TENM3: variants seen among roughly 807,000 people sequenced by gnomAD.
TENM3 encodes teneurin transmembrane protein 3.
A neutral mutation model predicts 255.1 loss-of-function variants in TENM3; 63 were observed. The observed-to-expected ratio is 0.25, with a 90% CI of 0.20 to 0.30. The LOEUF is 0.30. Ranked by LOEUF, TENM3 falls within the 10% of genes least tolerant of loss-of-function variation. The pLI is 1.00. For synonymous variants in TENM3, 1,306 were observed against 1,322.3 expected (o/e 0.99, Z 0.27); for missense variants, 2,929 against 3,461.1 (o/e 0.85, Z 3.86).
chr4:182,684,664 T>C (rs1484009567), intron 11 of TENM3, among the ~76,000 whole-genome samples: 2 of 152,092 alleles, frequency 1.3e-5, no homozygotes, highest in Non-Finnish European at 2.9e-5. Flanking sequence ...ATAGACGTAG[T>C]AGAGGGTGGT....
intron 14 of TENM3, among the ~76,000 whole-genome samples, chr4:182,729,958 G>A (rs975791588): frequency 4.6e-5 from 7 of 152,022 alleles, no homozygotes; most frequent in South Asian, 2.1e-4. Context: ...TCTTGATAAC[G>A]CTCCAAAAAA....
At chr4:181,597,024 G>A in the TENM3 span, among the ~76,000 whole-genome samples, 147 of 152,068 alleles carry the variant, frequency 9.7e-4, 1 homozygote, top group East Asian at 0.019. Context: ...CATGATACAA[G>A]TTAATCTATG....
intron 3 of TENM3, among the ~76,000 whole-genome samples, chr4:182,525,009 G>A (rs781733862): frequency 2.0e-5 from 3 of 152,064 alleles, no homozygotes; most frequent in Non-Finnish European, 2.9e-5. Flanking sequence ...CAGCCTTGGC[G>A]ACAGAGTGAG....
intron 1 of TENM3, among the ~76,000 whole-genome samples, chr4:182,267,465 C>A (rs1251887496): frequency 6.6e-6 from 1 of 152,128 alleles, no homozygotes; most frequent in African/African-American, 2.4e-5. Flanking sequence ...AGAGCTGATA[C>A]AAGCCCCATA....
the TENM3 span, among the ~76,000 whole-genome samples, chr4:181,567,081 A>G: frequency 0.01 from 1,584 of 152,276 alleles, 9 homozygotes; most frequent in South Asian, 0.046. Flanking sequence ...ATTCGTGCAA[A>G]TGATCCCGCT....
At chr4:182,661,748 T>C (rs1581243848) in intron 6 of TENM3, among the ~76,000 whole-genome samples, 1 of 152,176 alleles carries the variant, frequency 6.6e-6, no homozygotes, top group African/African-American at 2.4e-5. Flanking sequence ...TGTCTACAAA[T>C]GCCCAACCTT....
the TENM3 span, among the ~76,000 whole-genome samples, chr4:181,774,016 T>TTG: frequency 7.1e-6 from 1 of 141,678 alleles, no homozygotes; most frequent in Non-Finnish European, 1.5e-5. Context: ...TTTTTTTTTT[T>TTG]TTTTTTTTTT....
At chr4:181,664,476 T>TAAAAAAAAAA in the TENM3 span, among the ~76,000 whole-genome samples, 1 of 140,658 alleles carries the variant, frequency 7.1e-6, no homozygotes, top group Admixed American at 7.1e-5. Flanking sequence ...GTCTAAAAAA[T>TAAAAAAAAAA]AAAAAAAAAC....
At chr4:182,028,586 T>A in the TENM3 span, among the ~76,000 whole-genome samples, 1 of 152,308 alleles carries the variant, frequency 6.6e-6, no homozygotes, top group Admixed American at 6.5e-5. Context: ...CACTTATGAC[T>A]ATAAACTTCT....
chr4:181,463,033 T>G, the TENM3 span, among the ~76,000 whole-genome samples: 3 of 151,980 alleles, frequency 2.0e-5, no homozygotes, highest in African/African-American at 4.8e-5. Context: ...TAGCTCATCT[T>G]GGTATTCAAG....
intron 3 of TENM3, among the ~76,000 whole-genome samples, chr4:182,457,134 G>A (rs1373287764): frequency 1.3e-5 from 2 of 149,510 alleles, no homozygotes; most frequent in East Asian, 2.0e-4. Context: ...GCAGTGAGCC[G>A]AGATTGTGCC....
chr4:182,036,933 C>T, the TENM3 span, among the ~76,000 whole-genome samples: 3 of 152,174 alleles, frequency 2.0e-5, no homozygotes, highest in East Asian at 3.9e-4. Flanking sequence ...TTTTTGCCAG[C>T]TTATTTCATG....
chr4:182,692,835 A>G (rs1161430814), intron 12 of TENM3, among the ~76,000 whole-genome samples: 1 of 151,996 alleles, frequency 6.6e-6, no homozygotes, highest in Non-Finnish European at 1.5e-5. Flanking sequence ...CTTAAGGAGT[A>G]TTTTTAGAAT....
At chr4:182,588,030 A>G (rs1657840588) in intron 3 of TENM3, among the ~76,000 whole-genome samples, 1 of 152,154 alleles carries the variant, frequency 6.6e-6, no homozygotes, top group Non-Finnish European at 1.5e-5. Flanking sequence ...TAAATGTTTT[A>G]TATGTATAAC....
At chr4:182,378,654 C>T (rs891904643) in intron 3 of TENM3, among the ~76,000 whole-genome samples, 13 of 152,006 alleles carry the variant, frequency 8.6e-5, no homozygotes, top group South Asian at 2.1e-4. Flanking sequence ...CCAGCGGTCA[C>T]GGAGGACAGT....
intron 3 of TENM3, among the ~76,000 whole-genome samples, chr4:182,500,687 G>C (rs1182090245): frequency 1.3e-5 from 2 of 152,088 alleles, no homozygotes; most frequent in Middle Eastern, 6.3e-3. Context: ...TGTATGGGGA[G>C]AGAAATGCAT....
the TENM3 span, among the ~76,000 whole-genome samples, chr4:181,995,657 C>T: frequency 2.0e-5 from 3 of 152,080 alleles, no homozygotes; most frequent in South Asian, 4.2e-4. Context: ...GTGTGGCGCC[C>T]ATATATGTGT....
intron 4 of TENM3, among the ~76,000 whole-genome samples, chr4:182,606,658 G>A (rs1279233482): frequency 4.6e-5 from 7 of 151,846 alleles, no homozygotes; most frequent in Non-Finnish European, 1.0e-4. Flanking sequence ...GGCTGAAGTA[G>A]AGGCTTCATT....
At chr4:182,451,672 C>T (rs1162479202) in intron 3 of TENM3, among the ~76,000 whole-genome samples, 2 of 152,172 alleles carry the variant, frequency 1.3e-5, no homozygotes, top group Non-Finnish European at 2.9e-5. Flanking sequence ...GTCACTACTG[C>T]AAGTAACAGA....
Sources: gnomAD v4.1 joint callset for allele counts (sites outside exome capture counted in the v4.1 genomes callset) on GRCh38, gnomAD v4.1.1 for gene constraint, MANE v1.5 for transcripts, NCBI Gene and HGNC (gene_info 2026-07-23, HGNC 2026-07-21) for gene names.